MDGA2: variants seen among roughly 807,000 people sequenced by gnomAD.
The protein encoded by MDGA2 is MAM domain containing glycosylphosphatidylinositol anchor 2.
In MDGA2, 40 loss-of-function variants were observed where a neutral mutation model predicts 117.8. The observed-to-expected ratio is 0.34, with a 90% CI of 0.26 to 0.44. The LOEUF is 0.44. MDGA2 is among the 20% of genes least tolerant of loss of function. The pLI, the probability that MDGA2 is intolerant of heterozygous loss-of-function variation, is 1.00. For synonymous variants in MDGA2, 452 were observed against 439.0 expected, an observed-to-expected ratio of 1.03 and a Z score of -0.37; for missense variants, 1,123 against 1,250.6, an observed-to-expected ratio of 0.90 and a Z score of 1.54.
chr14:46,982,364 G>C (rs1162624519), intron 8 of MDGA2, among the ~76,000 whole-genome samples: 2 of 151,968 alleles, frequency 1.3e-5, no homozygotes, highest in Non-Finnish European at 2.9e-5. Flanking sequence ...TTTATTTACA[G>C]ATGGACAAAT....
chr14:47,175,353 G>T (rs2139343190), intron 3 of MDGA2, among the ~76,000 whole-genome samples: 1 of 151,756 alleles, frequency 6.6e-6, no homozygotes, highest in South Asian at 2.1e-4. Context: ...CCAAAAAAGA[G>T]AATTTTAGAC....
At chr14:47,485,441 A>G (rs1337369476) in intron 1 of MDGA2, among the ~76,000 whole-genome samples, 1 of 152,192 alleles carries the variant, frequency 6.6e-6, no homozygotes, top group Non-Finnish European at 1.5e-5. Flanking sequence ...GCAGAGCACA[A>G]AAGTTTGGAA....
intron 2 of MDGA2, among the ~76,000 whole-genome samples, chr14:47,253,441 C>T (rs1302787993): frequency 6.6e-6 from 1 of 152,218 alleles, no homozygotes; most frequent in Non-Finnish European, 1.5e-5. Flanking sequence ...AAACGGGCTA[C>T]ACACACCATG....
intron 8 of MDGA2, among the ~76,000 whole-genome samples, chr14:46,989,833 C>T (rs1226608003): frequency 6.6e-6 from 1 of 151,978 alleles, no homozygotes; most frequent in Non-Finnish European, 1.5e-5. Context: ...AAAGAATTCT[C>T]AGAATTTGAA....
At chr14:47,162,026 A>C (rs1883661799) in intron 3 of MDGA2, among the ~76,000 whole-genome samples, 1 of 127,018 alleles carries the variant, frequency 7.9e-6, no homozygotes, top group Non-Finnish European at 1.6e-5. Context: ...GCTCACTGCA[A>C]CCTCCACCTC....
At chr14:47,159,630 C>T (rs1358954446) in intron 3 of MDGA2, among the ~76,000 whole-genome samples, 1 of 152,048 alleles carries the variant, frequency 6.6e-6, no homozygotes, top group Non-Finnish European at 1.5e-5. Flanking sequence ...CTTTTTTGCT[C>T]TTCTAAATTT....
In MDGA2 at chr14:46,953,615, T is replaced by A. The variant is rs561464571; in HGVS notation, c.2089+3759A>T. Among the ~76,000 whole-genome samples the A allele has an allele frequency of 1.9e-3, 279 of 146,670 alleles. 1 individual carries two copies. Among genetic ancestry groups the A allele is most frequent in the African/African-American group, 6.9e-3 (261 of 37,652 alleles). On this transcript the variant is annotated intron_variant, in intron 9 of 16. Coordinates refer to ENST00000399232, the MANE Select transcript of MDGA2 (RefSeq NM_001113498.3). The stretch of plus-strand genomic sequence containing the variant: ...AGCTAAATATAAAAACTATGCTTTT[T>A]TTCACATTATTGTCTTGCCTGACTT...
chr14:47,013,262 T>G (rs1421680686), intron 8 of MDGA2, among the ~76,000 whole-genome samples: 2 of 152,212 alleles, frequency 1.3e-5, no homozygotes, highest in Non-Finnish European at 2.9e-5. Flanking sequence ...GTAAATCTTT[T>G]GTTGTCATTT....
At chr14:47,348,458 C>G (rs1408961417) in intron 1 of MDGA2, among the ~76,000 whole-genome samples, 1 of 152,070 alleles carries the variant, frequency 6.6e-6, no homozygotes. Context: ...GTGATCCGCC[C>G]ACCTCAGCCT....
In MDGA2 at chr14:46,884,583, T is replaced by C. The variant is rs549444931; in HGVS notation, c.2239-2362A>G. Among the ~76,000 whole-genome samples the C allele has an allele frequency of 1.2e-4, 18 of 152,196 alleles. No individual in the cohort carries two copies. Among genetic ancestry groups the C allele is most frequent in the African/African-American group, 1.7e-4 (7 of 41,542 alleles). On this transcript the variant is annotated intron_variant, in intron 10 of 16. Transcript: ENST00000399232. This position sits in a 1 kb window ranked among gnomAD's most constrained non-coding sequence, Gnocchi z 4.1. ...CTACAATATGTGTGCTACAGCACAG[T>C]CCTACACAAATGACAAATTAAATAA...
intron 10 of MDGA2, among the ~76,000 whole-genome samples, chr14:46,902,821 A>G (rs1395732760): frequency 1.3e-5 from 2 of 152,230 alleles, no homozygotes; most frequent in African/African-American, 4.8e-5. Context: ...ACACTACTTA[A>G]TGTGACAATG....
intron 5 of MDGA2, among the ~76,000 whole-genome samples, chr14:47,120,175 T>C (rs1185877361): frequency 6.6e-6 from 1 of 152,092 alleles, no homozygotes; most frequent in Admixed American, 6.6e-5. Context: ...CTTCTTAAAG[T>C]AAAAACGTAA....
At chr14:47,081,725 T>C (rs2138893439) in intron 6 of MDGA2, among the ~76,000 whole-genome samples, 1 of 152,268 alleles carries the variant, frequency 6.6e-6, no homozygotes, top group Middle Eastern at 3.4e-3. Context: ...CATTACCATA[T>C]TATTTTTAGT....
intron 8 of MDGA2, among the ~76,000 whole-genome samples, chr14:46,978,569 A>C (rs769143523): frequency 6.6e-6 from 1 of 152,120 alleles, no homozygotes; most frequent in Non-Finnish European, 1.5e-5. Flanking sequence ...CTGAGAGAAG[A>C]AGCAATGCAC....
chr14:47,103,744 T>C (rs369824883), intron 5 of MDGA2, among the ~76,000 whole-genome samples: 1 of 152,224 alleles, frequency 6.6e-6, no homozygotes, highest in Non-Finnish European at 1.5e-5. Context: ...GGATCCTAAA[T>C]GAGAGATTCC....
intron 8 of MDGA2, among the ~76,000 whole-genome samples, chr14:46,967,756 T>C (rs1006465841): frequency 2.6e-5 from 4 of 152,106 alleles, no homozygotes; most frequent in Admixed American, 2.6e-4. Flanking sequence ...ATATTTACTG[T>C]TTTTTTCTTA....
At chr14:47,403,370 A>G (rs1183294175) in intron 1 of MDGA2, among the ~76,000 whole-genome samples, 1 of 152,034 alleles carries the variant, frequency 6.6e-6, no homozygotes, top group Non-Finnish European at 1.5e-5. Context: ...TCCATTCCTT[A>G]TCAGTCTTCT....
intron 1 of MDGA2, among the ~76,000 whole-genome samples, chr14:47,364,852 TC>T (rs1175038096): frequency 1.3e-5 from 2 of 152,202 alleles, no homozygotes; most frequent in Non-Finnish European, 2.9e-5. Flanking sequence ...GAGTTCATTT[TC>T]CCCCATAAAC....
chr14:47,544,272 G>A lies in MDGA2; in HGVS notation c.280+130245C>T, dbSNP rs150407862. Among the ~76,000 whole-genome samples, 15 of 152,144 alleles carry A rather than the reference G, an allele frequency of 9.9e-5. No homozygotes were observed. In the East Asian group the frequency reaches 2.7e-3, roughly 27 times the overall value. On this transcript the variant is annotated intron_variant, in intron 1 of 16. Coordinates refer to ENST00000399232, the MANE Select transcript of MDGA2 (RefSeq NM_001113498.3). ...TGATTTTTAAAAAAACCATTAGCAG[G>A]TTAAAGTGCATTTTACTAACTTGCT...
Sources: gnomAD v4.1 joint callset for allele counts (sites outside exome capture counted in the v4.1 genomes callset) on GRCh38, gnomAD v4.1.1 for gene constraint, Gnocchi (gnomAD v3.1) non-coding constraint, MANE v1.5 for transcripts, NCBI Gene and HGNC (gene_info 2026-07-23, HGNC 2026-07-21) for gene names.